The following PDE6D variants were observed in gnomAD, a reference collection of about 807,000 sequenced individuals.
PDE6D encodes retinal rod rhodopsin-sensitive cGMP 3',5'-cyclic phosphodiesterase subunit delta.
Under a neutral mutation model 21.9 loss-of-function variants are expected in PDE6D, and 10 were observed. That is an observed-to-expected ratio of 0.46 (90% confidence interval 0.28 to 0.78). PDE6D has a LOEUF of 0.78. Among genes scored for constraint, PDE6D ranks in the 30% least tolerant of loss-of-function variants. The probability of loss-of-function intolerance (pLI) is 0.12; values close to 1 mark genes in which losing one functional copy is unlikely to be tolerated. For missense variants in PDE6D, 139 were observed against 184.8 expected (o/e 0.75, Z 1.44); for synonymous variants, 59 against 63.5 (o/e 0.93, Z 0.34).
intron 1 of PDE6D, among the ~76,000 whole-genome samples, chr2:231,759,492 G>A (rs2048909576): frequency 6.6e-6 from 1 of 152,030 alleles, no homozygotes; most frequent in South Asian, 2.1e-4. Context: ...GGGAGAAGAG[G>A]AGCAGGCAGT....
chr2:231,750,753 C>G (rs1322293784), intron 1 of PDE6D, among the ~76,000 whole-genome samples: 1 of 150,228 alleles, frequency 6.7e-6, no homozygotes, highest in Non-Finnish European at 1.5e-5. Flanking sequence ...AGTGATCTGC[C>G]CACCTTGGTC....
At chr2:231,754,038 G>A (rs1470746428) in intron 1 of PDE6D, among the ~76,000 whole-genome samples, 1 of 152,186 alleles carries the variant, frequency 6.6e-6, no homozygotes, top group African/African-American at 2.4e-5. Flanking sequence ...AACATCAAAA[G>A]AGTTGAGTGG....
chr2:231,752,695 A>T (rs1408956162), intron 1 of PDE6D, among the ~76,000 whole-genome samples: 2 of 151,954 alleles, frequency 1.3e-5, no homozygotes, highest in Non-Finnish European at 2.9e-5. Flanking sequence ...TGCTGCTCAT[A>T]TATTAATCTT....
intron 1 of PDE6D, among the ~76,000 whole-genome samples, chr2:231,772,199 G>A (rs1451989180): frequency 6.6e-6 from 1 of 151,054 alleles, no homozygotes; most frequent in Non-Finnish European, 1.5e-5. Context: ...TCATCTTTAG[G>A]TTAAACTCCC....
intron 1 of PDE6D, among the ~76,000 whole-genome samples, chr2:231,780,628 C>T (rs1196845073): frequency 1.3e-5 from 2 of 152,308 alleles, no homozygotes; most frequent in East Asian, 3.9e-4. Flanking sequence ...CACTGTTCCC[C>T]GCTCCCCGGG....
At chr2:231,770,074 C>T (rs1048187929) in intron 1 of PDE6D, among the ~76,000 whole-genome samples, 9 of 152,106 alleles carry the variant, frequency 5.9e-5, no homozygotes, top group African/African-American at 2.2e-4. Context: ...ACCTTTTTTT[C>T]CCTATTAACG....
At chr2:231,749,401 G>A (rs1574623267) in intron 1 of PDE6D, among the ~76,000 whole-genome samples, 1 of 151,954 alleles carries the variant, frequency 6.6e-6, no homozygotes, top group South Asian at 2.1e-4. Context: ...TACTCAATAC[G>A]TGTACCCCCA....
chr2:231,734,742 G>C (rs577939407), intron 4 of PDE6D, among the ~76,000 whole-genome samples: 13 of 149,086 alleles, frequency 8.7e-5, no homozygotes, highest in Admixed American at 3.3e-4. Flanking sequence ...AGCTACTCAG[G>C]AGGCTGAGGC....
intron 1 of PDE6D, among the ~76,000 whole-genome samples, chr2:231,740,680 C>CA (rs3074722): frequency 0.045 from 2,458 of 54,998 alleles, 59 homozygotes; most frequent in African/African-American, 0.067. Context: ...GACCCTGTCT[C>CA]AAAAAAAAAA....
chr2:231,741,692 A>G (rs1479243042), intron 1 of PDE6D, among the ~76,000 whole-genome samples: 1 of 152,252 alleles, frequency 6.6e-6, no homozygotes, highest in Admixed American at 6.5e-5. Context: ...TGAGAAGCAC[A>G]GAAAATCTAA....
chr2:231,744,633 A>G (rs2048777890), intron 1 of PDE6D, among the ~76,000 whole-genome samples: 2 of 151,888 alleles, frequency 1.3e-5, no homozygotes, highest in Admixed American at 1.3e-4. Context: ...GGGTTTCTCC[A>G]TGTTGGTCAG....
chr2:231,779,715 T>A (rs1350845405), intron 1 of PDE6D, among the ~76,000 whole-genome samples: 2 of 152,222 alleles, frequency 1.3e-5, no homozygotes, highest in South Asian at 2.1e-4. Context: ...TGAAAGTTTA[T>A]CACAGATGGT....
intron 1 of PDE6D, among the ~76,000 whole-genome samples, chr2:231,766,986 T>C (rs1386163679): frequency 1.9e-5 from 2 of 104,074 alleles, no homozygotes; most frequent in Non-Finnish European, 3.5e-5. Flanking sequence ...AGAGCGAGAC[T>C]CCGTCTCAAA....
intron 1 of PDE6D, among the ~76,000 whole-genome samples, chr2:231,777,359 G>T (rs553326916): frequency 6.6e-6 from 1 of 151,524 alleles, no homozygotes; most frequent in African/African-American, 2.4e-5. Flanking sequence ...TTTAGAGTTG[G>T]GGGTCTCGCT....
At chr2:231,767,838 TC>T (rs1276121261) in intron 1 of PDE6D, among the ~76,000 whole-genome samples, 5 of 150,960 alleles carry the variant, frequency 3.3e-5, no homozygotes, top group Admixed American at 6.6e-5. Flanking sequence ...CTTTAACTAT[TC>T]TTTTTTTTTT....
intron 1 of PDE6D, among the ~76,000 whole-genome samples, chr2:231,743,428 CAAAA>C (rs34916848): frequency 1.2e-4 from 7 of 59,026 alleles, no homozygotes; most frequent in Admixed American, 5.9e-4. Flanking sequence ...GATTCCGTCT[CAAAA>C]AAAAAAAAAA....
At chr2:231,743,391 C>T (rs974106501) in intron 1 of PDE6D, among the ~76,000 whole-genome samples, 1 of 141,174 alleles carries the variant, frequency 7.1e-6, no homozygotes. Flanking sequence ...AGATCATGTA[C>T]TGCACTCCAG....
intron 1 of PDE6D, among the ~76,000 whole-genome samples, chr2:231,757,250 C>G (rs1487409146): frequency 1.3e-5 from 2 of 151,990 alleles, no homozygotes; most frequent in African/African-American, 4.8e-5. Flanking sequence ...CATGTCCCCT[C>G]CTGTGGACCA....
At chr2:231,763,223 A>G (rs1316634059) in intron 1 of PDE6D, among the ~76,000 whole-genome samples, 1 of 152,204 alleles carries the variant, frequency 6.6e-6, no homozygotes, top group Non-Finnish European at 1.5e-5. Context: ...AGAGAGCCAA[A>G]GGAACAGTAT....
Sources: gnomAD v4.1 joint callset for allele counts (sites outside exome capture counted in the v4.1 genomes callset) on GRCh38, gnomAD v4.1.1 for gene constraint, MANE v1.5 for transcripts, NCBI Gene and HGNC (gene_info 2026-07-23, HGNC 2026-07-21) for gene names.